The following NOL4 variants were observed in gnomAD, a reference collection of about 807,000 sequenced individuals.
NOL4 encodes the protein nucleolar protein 4.
In NOL4, 17 loss-of-function variants were observed where a neutral mutation model predicts 75.9. The observed-to-expected ratio is 0.22, with a 90% CI of 0.15 to 0.34. The LOEUF (loss-of-function observed/expected upper bound fraction) is 0.34, where lower values mean the gene tolerates loss of function less well. Among genes scored for constraint, NOL4 ranks in the 10% least tolerant of loss-of-function variants. NOL4 has a pLI of 1.00. For missense variants in NOL4, 614 were observed against 793.5 expected, an observed-to-expected ratio of 0.77 and a Z score of 2.72; for synonymous variants, 292 against 289.9, an observed-to-expected ratio of 1.01 and a Z score of -0.07.
chr18:33,974,945 A>C (rs1172936451), intron 6 of NOL4, among the ~76,000 whole-genome samples: 1 of 152,210 alleles, frequency 6.6e-6, no homozygotes, highest in Non-Finnish European at 1.5e-5. Flanking sequence ...GAATGAATAA[A>C]TAAAATGTGG....
rs779929474 is a variant in NOL4 at position 34,019,472 on chromosome 18, T to A, written c.902A>T (p.Glu301Val). Reference sequence around the variant, plus strand: ...ACTGTCACTCAGGTTCAGTGGCTGTTCATCTTGCTCCAGCCCAGTTTTGCC... The same window carrying A: ...ACTGTCACTCAGGTTCAGTGGCTGTACATCTTGCTCCAGCCCAGTTTTGCC... Reference protein sequence around the residue: ...SDGKTGLEQDEQPLNLSDSPL... With the variant: ...SDGKTGLEQDVQPLNLSDSPL... The change falls in exon 6 of 11, where the codon GAA becomes GTA. Residue 301 changes from glutamate to valine, a missense_variant. Glu to Val is a moderately radical substitution (Grantham distance 121, BLOSUM62 -2). Transcript: ENST00000261592. 4.3e-6 allele frequency: 7 copies of A among 1,613,890 alleles called. No individual in the cohort carries two copies. The African/African-American group carries it at 9.3e-5, about 22-fold the overall frequency.
chr18:33,965,445 A>G (rs2070502774), intron 6 of NOL4, among the ~76,000 whole-genome samples: 1 of 152,104 alleles, frequency 6.6e-6, no homozygotes, highest in South Asian at 2.1e-4. Context: ...GTGAGCTATG[A>G]TCCTGCCACT....
rs1012031485 is a variant in NOL4 at position 33,989,217 on chromosome 18, A to G, written c.1056+30101T>C. Among the ~76,000 whole-genome samples the G allele has an allele frequency of 2.7e-5, 4 of 148,112 alleles. No individual in the cohort carries two copies. In the South Asian group the frequency reaches 6.4e-4, roughly 24 times the overall value. On this transcript the variant is annotated intron_variant, in intron 6 of 10. Coordinates refer to ENST00000261592, the MANE Select transcript of NOL4 (RefSeq NM_003787.5). ...AAAAAAAAAAAAAAAAAAAAAAAAAAAATCATTGGCAAGTCATTCTGAATG... is the reference window on the plus strand; with the variant it reads ...AAAAAAAAAAAAAAAAAAAAAAAAAGAATCATTGGCAAGTCATTCTGAATG...
chr18:33,917,667 T>A (rs190594370), intron 9 of NOL4, among the ~76,000 whole-genome samples: 8 of 152,044 alleles, frequency 5.3e-5, no homozygotes, highest in African/African-American at 1.9e-4. Flanking sequence ...GTTAATTTTT[T>A]TTTTATTTTA....
intron 8 of NOL4, among the ~76,000 whole-genome samples, chr18:33,952,687 G>T (rs2069322677): frequency 1.3e-5 from 2 of 152,228 alleles, no homozygotes; most frequent in African/African-American, 2.4e-5. Flanking sequence ...CACTTTGGGA[G>T]GCCAAGGCGG....
intron 2 of NOL4, among the ~76,000 whole-genome samples, chr18:34,124,657 C>G (rs2080300644): frequency 6.6e-6 from 1 of 152,112 alleles, no homozygotes; most frequent in Non-Finnish European, 1.5e-5. Flanking sequence ...GTAATCCCAG[C>G]ACTTTGGGAG....
chr18:34,029,773 G>C (rs540308150), intron 5 of NOL4, among the ~76,000 whole-genome samples: 1 of 152,290 alleles, frequency 6.6e-6, no homozygotes, highest in South Asian at 2.1e-4. Context: ...ACGCTTTGTA[G>C]TGTGGATTGA....
rs2079697254 is a variant in NOL4 at position 34,113,373 on chromosome 18, C to T, written c.415-8213G>A. 2.0e-5 allele frequency among the ~76,000 whole-genome samples: 3 copies of T among 152,172 alleles called. No individual in the cohort carries two copies. In the South Asian group the frequency reaches 6.2e-4, roughly 32 times the overall value. On this transcript the variant is annotated intron_variant, in intron 2 of 10. Coordinates refer to ENST00000261592, the MANE Select transcript of NOL4 (RefSeq NM_003787.5). ...ATTACTGAAGTTCTTAGCATGGTGG[C>T]TCACACCTGTAATCCCAACAATTTG...
chr18:34,126,212 T>G (rs1394844232), intron 2 of NOL4, among the ~76,000 whole-genome samples: 12 of 152,194 alleles, frequency 7.9e-5, no homozygotes, highest in Admixed American at 7.2e-4. Flanking sequence ...CTCATTCATT[T>G]TAGCACACAA....
chr18:34,218,614 A>G, intron 1 of NOL4, among the ~76,000 whole-genome samples: 1 of 152,222 alleles, frequency 6.6e-6, no homozygotes, highest in East Asian at 1.9e-4. Flanking sequence ...TCACTAAGTC[A>G]GCTAATAAGC....
intron 5 of NOL4, among the ~76,000 whole-genome samples, chr18:34,090,053 T>C (rs1383577381): frequency 1.3e-5 from 2 of 152,150 alleles, no homozygotes; most frequent in Non-Finnish European, 2.9e-5. Context: ...TCTAGGTTTT[T>C]GATGACAAAA....
At chr18:34,038,187 TGA>T (rs1458577231) in intron 5 of NOL4, among the ~76,000 whole-genome samples, 2 of 152,004 alleles carry the variant, frequency 1.3e-5, no homozygotes, top group Non-Finnish European at 2.9e-5. Flanking sequence ...AAAACCACAA[TGA>T]GAGATCATCT....
chr18:34,199,164 T>G (rs1238658256), intron 1 of NOL4, among the ~76,000 whole-genome samples: 3 of 105,984 alleles, frequency 2.8e-5, no homozygotes, highest in Non-Finnish European at 6.4e-5. Context: ...TTTTTTTTTG[T>G]ATGTTTTGTT....
intron 5 of NOL4, among the ~76,000 whole-genome samples, chr18:34,076,385 G>A (rs4239384): frequency 0.85 from 128,753 of 152,174 alleles, 54,545 homozygotes; most frequent in East Asian, 0.97. Context: ...CATTGGCAGT[G>A]GCCTATTCTA....
chr18:34,026,924 A>G (rs2075372412), intron 5 of NOL4, among the ~76,000 whole-genome samples: 1 of 152,184 alleles, frequency 6.6e-6, no homozygotes, highest in Non-Finnish European at 1.5e-5. Flanking sequence ...TTCTACTAGT[A>G]TATCTCAGCA....
intron 1 of NOL4, among the ~76,000 whole-genome samples, chr18:34,190,287 G>A (rs577437633): frequency 6.6e-6 from 1 of 151,944 alleles, no homozygotes; most frequent in East Asian, 1.9e-4. Flanking sequence ...GGTAAGTATG[G>A]CTAGAGGCCA....
chr18:33,960,065 C>A (rs139283567), intron 6 of NOL4, among the ~76,000 whole-genome samples: 248 of 152,176 alleles, frequency 1.6e-3, no homozygotes, highest in African/African-American at 5.6e-3. Context: ...CCTAAAACTG[C>A]TATTCCACCT....
At chr18:34,008,385 CT>C (rs1057479901) in intron 6 of NOL4, among the ~76,000 whole-genome samples, 2 of 151,530 alleles carry the variant, frequency 1.3e-5, no homozygotes, top group African/African-American at 4.9e-5. Context: ...ATCTATCTAT[CT>C]ATCTATCTAT....
chr18:33,898,347 C>G (rs940111462), intron 9 of NOL4, among the ~76,000 whole-genome samples: 5 of 152,210 alleles, frequency 3.3e-5, no homozygotes, highest in Non-Finnish European at 2.9e-5. Context: ...GTAATAGTCA[C>G]TCTCAAATTC....
Sources: gnomAD v4.1 joint callset for allele counts (sites outside exome capture counted in the v4.1 genomes callset) on GRCh38, gnomAD v4.1.1 for gene constraint, MANE v1.5 for transcripts, NCBI Gene and HGNC (gene_info 2026-07-23, HGNC 2026-07-21) for gene names.